Variants in SLC26A6 observed in about 807,000 individuals in gnomAD.
SLC26A6 encodes anion exchange transporter.
Under a neutral mutation model 87.1 loss-of-function variants are expected in SLC26A6, and 67 were observed. That is an observed-to-expected ratio of 0.77 (90% CI 0.63 to 0.94). The LOEUF (loss-of-function observed/expected upper bound fraction) is 0.94. Among genes scored for constraint, SLC26A6 ranks in the 40% least tolerant of loss-of-function variants. SLC26A6 has a pLI of 0.00. For missense variants in SLC26A6, 902 were observed against 973.0 expected (o/e 0.93, Z 0.97); for synonymous variants, 414 against 405.9 (o/e 1.02, Z -0.24).
rs1306816658 is a variant in SLC26A6, at chr3:48,626,284, G to A, written c.2199C>T (p.Ala733=). 1.6e-5 allele frequency: 26 copies of A among 1,613,960 alleles called. No homozygotes were observed. The highest frequency in any genetic ancestry group is 2.2e-5 in the Non-Finnish European group (26 of 1,180,032). The change falls in exon 20 of 21, where the codon GCC becomes GCT. Residue 733 remains alanine (A), a synonymous_variant. Transcript: ENST00000395550. ...DASITKKHLF[A]SVHDAVTFAL... ...CAAAGGTGACAGCATCATGGACAGA[G>A]GCAAAGAGATGCTTCTTGGTGATGG...
intron 1 of SLC26A6, 196 bp from the exon 2 acceptor site, chr3:48,633,831 G>T: frequency 7.0e-7 from 1 of 1,433,268 alleles, no homozygotes; most frequent in Non-Finnish European, 9.1e-7. Flanking sequence ...ACTTTGGCTG[G>T]TGAGAAAGCC....
chr3:48,630,408 G>A, intron 11 of SLC26A6, 30 bp downstream of exon 11: 1 of 1,550,652 alleles, frequency 6.4e-7, no homozygotes, highest in East Asian at 2.4e-5. Context: ...GCCTGGCCAA[G>A]ACCTGAAACC....
In SLC26A6 at chr3:48,625,850, G is replaced by A. The variant is rs1292032866; in HGVS notation, c.*136C>T. On this transcript the variant is annotated 3_prime_UTR_variant, in exon 21 of 21. Coordinates refer to ENST00000395550, the MANE Select transcript of SLC26A6 (RefSeq NM_022911.3). The surrounding 1 kb of genome is among the most constrained non-coding windows in gnomAD (Gnocchi z 4.7). ...TGGAGCGCTGAACTTGGAGTCCCAG[G>A]ACCTCCTTCCCTGAGTTGTGTGTGT... is the stretch of plus-strand genomic sequence containing the variant. The A allele has an allele frequency of 5.5e-5, 64 of 1,169,306 alleles. No homozygotes were observed. The highest frequency in any genetic ancestry group is 4.5e-5 in the Admixed American group (2 of 44,360). 72.4% of individuals were successfully genotyped at this position (1,169,306 alleles called of 1,614,324 possible).
At position 48,628,956 on chromosome 3, in the gene SLC26A6, C is replaced by G. The variant is rs915417939; in HGVS notation, c.1600-242G>C. 6.6e-6 allele frequency among the ~76,000 whole-genome samples: 1 copy of G among 152,182 alleles called. No individual in the cohort carries two copies. The highest frequency in any genetic ancestry group is 1.5e-5 in the Non-Finnish European group (1 of 68,020). ...ACCACCCAGGCAGGCTTCACAGGCT[C>G]TTAACCTTTCTCTTGGGTTTCCAAC... On this transcript the variant is annotated intron_variant, in intron 14 of 20. Coordinates refer to ENST00000395550, the MANE Select transcript of SLC26A6 (RefSeq NM_022911.3). The surrounding 1 kb of genome is among the most constrained non-coding windows in gnomAD (Gnocchi z 4.4).
At chr3:48,630,362 T>A in intron 11 of SLC26A6, 76 bp downstream of exon 11, 1 of 1,475,068 alleles carries the variant, frequency 6.8e-7, no homozygotes, top group African/African-American at 1.4e-5. Context: ...TCCCCACCCC[T>A]CGCCTGAACC....
rs2046700069 is a variant in SLC26A6, at chr3:48,628,848, G to A, written c.1600-134C>T. Reference sequence around the variant, plus strand: ...CTCTGCTCCCCAGGCTGCAGTCCAGGCCCTCCCAGGGGCTTAGGCCACAAG... The same window carrying A: ...CTCTGCTCCCCAGGCTGCAGTCCAGACCCTCCCAGGGGCTTAGGCCACAAG... On this transcript the variant is annotated intron_variant, in intron 14 of 20. Transcript: ENST00000395550. The surrounding 1 kb of genome is among the most constrained non-coding windows in gnomAD (Gnocchi z 4.4). The A allele has an allele frequency of 9.7e-7, 1 of 1,028,490 alleles. No homozygotes were observed. Among genetic ancestry groups the A allele is most frequent in the Non-Finnish European group, 1.4e-6 (1 of 691,232 alleles). The allele number at this position is 1,028,490 out of a possible 1,614,324, so 63.7% of individuals were successfully genotyped here. A position where few individuals can be genotyped will look rare whatever the true frequency, so the allele number is the denominator to read the frequency against.
chr3:48,627,286 C>G, intron 17 of SLC26A6: 1 of 543,878 alleles, frequency 1.8e-6, no homozygotes, highest in Non-Finnish European at 3.2e-6. Flanking sequence ...CCTCCTGGGC[C>G]GACGCTGCAC....
chr3:48,630,764 G>A, intron 9 of SLC26A6, 44 bp from the exon 10 acceptor site: 1 of 1,558,082 alleles, frequency 6.4e-7, no homozygotes, highest in South Asian at 1.2e-5. Flanking sequence ...CCTAGAAGTG[G>A]CTGGTCACTG....
chr3:48,627,861 G>T, intron 17 of SLC26A6, 85 bp downstream of exon 17: 1 of 1,304,674 alleles, frequency 7.7e-7, no homozygotes, highest in Non-Finnish European at 1.0e-6. Flanking sequence ...ACAGCTGCTG[G>T]GTCCATGGCA....
intron 20 of SLC26A6, 46 bp downstream of exon 20, chr3:48,626,172 C>G (rs1337643855): frequency 6.2e-7 from 1 of 1,613,262 alleles, no homozygotes; most frequent in African/African-American, 1.3e-5. Flanking sequence ...TGGGGACAAG[C>G]AATAGATTAA....
At chr3:48,627,732 G>A in intron 17 of SLC26A6, 1 of 453,862 alleles carries the variant, frequency 2.2e-6, no homozygotes, top group Non-Finnish European at 3.9e-6. Flanking sequence ...CAAATTCAAG[G>A]TCTTCATCTA....
Position 48,630,742 on chromosome 3 carries a change from G to A in SLC26A6, c.1135-22C>T, listed in dbSNP as rs747218515. 10 of 1,580,416 alleles carry A rather than the reference G, an allele frequency of 6.3e-6. No homozygotes were observed. The East Asian group carries it at 9.2e-5, about 15-fold the overall frequency. Reference sequence around the variant, plus strand: ...GCTCCTGACGGGGGACAGTACGGGTGTGAGAAGACTTCCTAGAAGTGGCTG... The same window carrying A: ...GCTCCTGACGGGGGACAGTACGGGTATGAGAAGACTTCCTAGAAGTGGCTG... On this transcript the variant is annotated intron_variant, in intron 9 of 20. Transcript: ENST00000395550.
rs2046910819 is a variant in SLC26A6, at chr3:48,634,882, TCCCTCCCCCGACAACTTGGGACCCG to T, written c.23+464_23+488del. The T allele has an allele frequency of 1.8e-5, 8 of 456,030 alleles. No homozygotes were observed. The South Asian group carries it at 7.4e-4, about 42-fold the overall frequency. 28.2% of individuals were successfully genotyped at this position (456,030 alleles called of 1,614,324 possible). A position where few individuals can be genotyped will look rare whatever the true frequency, so the allele number is the denominator to read the frequency against. On this transcript the variant is annotated intron_variant, in intron 1 of 20. Transcript: ENST00000395550. ...AGTCACTCAGGTCTTCTTAAAGGGC[TCCCTCCCCCGACAACTTGGGACCCG>T]CGTTTGGAGGGCGGAGCCTTGATCA...
intron 18 of SLC26A6, 57 bp from the exon 19 acceptor site, chr3:48,626,742 TC>T (rs771695665): frequency 2.7e-5 from 43 of 1,611,756 alleles, no homozygotes; most frequent in Non-Finnish European, 3.6e-5. Flanking sequence ...AGAGGGGGGC[TC>T]GGGCAGGCTT....
chr3:48,631,509 T>C, intron 7 of SLC26A6, 140 bp downstream of exon 7: 1 of 1,209,304 alleles, frequency 8.3e-7, no homozygotes, highest in Non-Finnish European at 1.1e-6. Flanking sequence ...CATAGGGGCT[T>C]TCTGCTGTGC....
chr3:48,632,433 G>A (rs1212615759), intron 4 of SLC26A6, 37 bp from the exon 5 acceptor site: 3 of 1,588,688 alleles, frequency 1.9e-6, no homozygotes, highest in East Asian at 2.3e-5. Flanking sequence ...GAAGAGGAGA[G>A]GACACTGCCC....
At chr3:48,632,127 G>C in intron 5 of SLC26A6, 83 bp from the exon 6 acceptor site, 1 of 1,591,878 alleles carries the variant, frequency 6.3e-7, no homozygotes, top group Non-Finnish European at 8.6e-7. Context: ...GGATGGGAGG[G>C]GGATGAGTAG....
In SLC26A6 at chr3:48,628,122, G is replaced by T; in HGVS notation, c.1801-84C>A. 7.6e-7 allele frequency: 1 copy of T among 1,323,834 alleles called. No homozygotes were observed. The highest frequency in any genetic ancestry group is 1.0e-6 in the Non-Finnish European group (1 of 964,940). The allele number at this position is 1,323,834 out of a possible 1,614,324, so 82.0% of individuals were successfully genotyped here. A position where few individuals can be genotyped will look rare whatever the true frequency, so the allele number is the denominator to read the frequency against. On this transcript the variant is annotated intron_variant, in intron 16 of 20. Coordinates refer to ENST00000395550, the MANE Select transcript of SLC26A6 (RefSeq NM_022911.3). The surrounding 1 kb of genome is among the most constrained non-coding windows in gnomAD (Gnocchi z 4.4). ...TCACATAGGCCTGGTGATGCCCCCT[G>T]GTGCTGGGCAGGTGGGTGGGCCAGG...
Position 48,631,726 on chromosome 3 carries a change from C to T in SLC26A6, c.826G>A (p.Val276Met). The T allele has an allele frequency of 1.9e-6, 3 of 1,613,380 alleles. No individual in the cohort carries two copies. Among genetic ancestry groups the T allele is most frequent in the Non-Finnish European group, 2.5e-6 (3 of 1,180,020 alleles). Residue 276 changes from valine to methionine, a missense_variant, in exon 7 of 21, where the codon GTG becomes ATG. Val to Met is a conservative substitution (Grantham distance 21, BLOSUM62 1). Coordinates refer to ENST00000395550, the MANE Select transcript of SLC26A6 (RefSeq NM_022911.3). The part of the protein sequence containing the change: ...TVVTAAVAGV[V>M]LVVVKLLNDK... ...TTCAACAGCTTCACCACCACGAGCA[C>T]CACCCCAGCCACAGCTGCAGTGACC...
Sources: allele counts gnomAD v4.1 joint callset (sites outside exome capture counted in the v4.1 genomes callset), GRCh38; gene constraint gnomAD v4.1.1; non-coding constraint Gnocchi (gnomAD v3.1); transcripts MANE v1.5; gene names NCBI Gene and HGNC (gene_info 2026-07-23, HGNC 2026-07-21).